GRID1: variants seen among roughly 807,000 people sequenced by gnomAD.
GRID1 encodes the protein glutamate receptor ionotropic, delta-1.
Under a neutral mutation model 98.0 loss-of-function variants are expected in GRID1, and 28 were observed. The observed-to-expected ratio is 0.29, with a 90% CI of 0.21 to 0.39. GRID1 has a LOEUF of 0.39. Ranked by LOEUF, GRID1 falls within the 10% of genes least tolerant of loss-of-function variation. The pLI, the probability that GRID1 is intolerant of heterozygous loss-of-function variation, is 1.00. For missense variants in GRID1, 1,111 were observed against 1,340.5 expected (o/e 0.83, Z 2.67); for synonymous variants, 553 against 538.5 (o/e 1.03, Z -0.37).
At chr10:86,026,034 G>A (rs940824308) in intron 4 of GRID1, among the ~76,000 whole-genome samples, 12 of 152,180 alleles carry the variant, frequency 7.9e-5, no homozygotes, top group Non-Finnish European at 7.3e-5. Flanking sequence ...ACCTTCACTG[G>A]CACTGCCCTC....
chr10:86,019,548 A>C (rs892716630), intron 4 of GRID1, among the ~76,000 whole-genome samples: 7 of 152,210 alleles, frequency 4.6e-5, no homozygotes, highest in African/African-American at 1.7e-4. Flanking sequence ...CTCAATTCAC[A>C]GTTGAGGAAA....
intron 4 of GRID1, among the ~76,000 whole-genome samples, chr10:86,033,315 T>C (rs979079624): frequency 6.6e-6 from 1 of 151,972 alleles, no homozygotes; most frequent in Middle Eastern, 3.4e-3. Context: ...TAAGAGCCCA[T>C]GAGCACTTGC....
intron 4 of GRID1, among the ~76,000 whole-genome samples, chr10:85,936,794 G>T (rs1441112830): frequency 2.0e-5 from 3 of 152,208 alleles, no homozygotes; most frequent in Admixed American, 2.0e-4. Context: ...CAATTAAAAA[G>T]TATTTGGCTA....
At chr10:86,017,669 A>G (rs12762291) in intron 4 of GRID1, among the ~76,000 whole-genome samples, 15,347 of 152,318 alleles carry the variant, frequency 0.1, 847 homozygotes, top group African/African-American at 0.12. Context: ...AGAGGGCCAC[A>G]GTATCCAGCT....
At chr10:86,031,410 G>T (rs551999477) in intron 4 of GRID1, among the ~76,000 whole-genome samples, 3 of 152,076 alleles carry the variant, frequency 2.0e-5, no homozygotes, top group African/African-American at 7.2e-5. Flanking sequence ...GACTTCAAAA[G>T]GGGGGGCAGG....
intron 3 of GRID1, among the ~76,000 whole-genome samples, chr10:86,199,063 C>A (rs1845913254): frequency 6.6e-6 from 1 of 152,116 alleles, no homozygotes; most frequent in Non-Finnish European, 1.5e-5. Context: ...ATTTTTTGCA[C>A]TTGATGCAAA....
At chr10:86,194,193 T>C (rs947300346) in intron 3 of GRID1, among the ~76,000 whole-genome samples, 23 of 152,040 alleles carry the variant, frequency 1.5e-4, no homozygotes, top group Admixed American at 1.4e-3. Context: ...TTTCTAGCAA[T>C]CCAACCCCTA....
intron 2 of GRID1, among the ~76,000 whole-genome samples, chr10:86,226,823 G>A (rs1009162578): frequency 2.0e-5 from 3 of 150,864 alleles, no homozygotes; most frequent in Non-Finnish European, 4.4e-5. Flanking sequence ...CCAGCTGGCG[G>A]TCCTCCCTGA....
intron 2 of GRID1, among the ~76,000 whole-genome samples, chr10:86,360,713 T>C (rs1237716881): frequency 2.0e-5 from 3 of 152,228 alleles, no homozygotes; most frequent in South Asian, 4.1e-4. Context: ...GATTTACACA[T>C]GTCTCATCTC....
chr10:85,803,921 C>G (rs990754480), intron 8 of GRID1, among the ~76,000 whole-genome samples: 1 of 151,656 alleles, frequency 6.6e-6, no homozygotes, highest in Non-Finnish European at 1.5e-5. Flanking sequence ...AGTTATAGTT[C>G]TGAATATTTA....
chr10:86,296,726 G>T (rs1260403487), intron 2 of GRID1, among the ~76,000 whole-genome samples: 1 of 152,050 alleles, frequency 6.6e-6, no homozygotes, highest in Admixed American at 6.6e-5. Flanking sequence ...GCAACAGAGG[G>T]AGACTCCATC....
At chr10:86,355,864 G>A (rs1404445154) in intron 2 of GRID1, among the ~76,000 whole-genome samples, 2 of 152,256 alleles carry the variant, frequency 1.3e-5, no homozygotes, top group African/African-American at 4.8e-5. Flanking sequence ...CCATTAGCAG[G>A]AGAGGGCTGC....
At chr10:86,124,488 A>G (rs540642712) in intron 4 of GRID1, among the ~76,000 whole-genome samples, 2 of 152,246 alleles carry the variant, frequency 1.3e-5, no homozygotes, top group South Asian at 4.2e-4. Context: ...CAGTCTCTCA[A>G]TAAACGCCTA....
intron 12 of GRID1, among the ~76,000 whole-genome samples, chr10:85,664,837 C>A (rs956356500): frequency 6.6e-6 from 1 of 152,116 alleles, no homozygotes; most frequent in African/African-American, 2.4e-5. Context: ...ACATTTGAAT[C>A]CAAGTTTTGC....
intron 4 of GRID1, among the ~76,000 whole-genome samples, chr10:86,136,339 C>A (rs1172635380): frequency 6.6e-6 from 1 of 152,190 alleles, no homozygotes; most frequent in Non-Finnish European, 1.5e-5. Flanking sequence ...CAAACCCTGG[C>A]CAGAGACAGT....
chr10:85,848,868 A>C (rs1295798381), intron 8 of GRID1, among the ~76,000 whole-genome samples: 2 of 152,236 alleles, frequency 1.3e-5, no homozygotes, highest in African/African-American at 4.8e-5. Flanking sequence ...AGAACGGTTG[A>C]CATTTTACTT....
intron 4 of GRID1, among the ~76,000 whole-genome samples, chr10:86,136,934 A>G (rs530105650): frequency 7.9e-5 from 12 of 152,316 alleles, no homozygotes; most frequent in Admixed American, 3.3e-4. Flanking sequence ...AAATCTGCAC[A>G]TGTACCCCCT....
intron 2 of GRID1, among the ~76,000 whole-genome samples, chr10:86,277,068 A>C (rs1847282573): frequency 6.6e-6 from 1 of 152,192 alleles, no homozygotes; most frequent in African/African-American, 2.4e-5. Context: ...GGGGAGAGGA[A>C]AATGGAGAGT....
chr10:86,250,276 C>T (rs1589426266), intron 2 of GRID1, among the ~76,000 whole-genome samples: 1 of 152,174 alleles, frequency 6.6e-6, no homozygotes, highest in Non-Finnish European at 1.5e-5. Flanking sequence ...TAAGCAAAGG[C>T]AGAGGGTTGG....
Sources: gnomAD v4.1 joint callset for allele counts (sites outside exome capture counted in the v4.1 genomes callset) on GRCh38, gnomAD v4.1.1 for gene constraint, MANE v1.5 for transcripts, NCBI Gene and HGNC (gene_info 2026-07-23, HGNC 2026-07-21) for gene names.